RNGTT: variants seen among roughly 807,000 people sequenced by gnomAD.
RNGTT encodes mRNA-capping enzyme.
Under a neutral mutation model 79.3 loss-of-function variants are expected in RNGTT, and 33 were observed. The ratio of observed to expected loss-of-function variants is 0.42; its 90% CI spans 0.32 to 0.56. The LOEUF (loss-of-function observed/expected upper bound fraction) is 0.56. RNGTT is among the 20% of genes least tolerant of loss of function. The pLI is 0.17. For synonymous variants in RNGTT, 222 were observed against 235.9 expected, an observed-to-expected ratio of 0.94 and a Z score of 0.54; for missense variants, 497 against 739.1, an observed-to-expected ratio of 0.67 and a Z score of 3.80.
At chr6:88,668,561 T>C (rs1308377047) in intron 14 of RNGTT, among the ~76,000 whole-genome samples, 3 of 152,236 alleles carry the variant, frequency 2.0e-5, no homozygotes, top group Non-Finnish European at 2.9e-5. Flanking sequence ...TTCTGTTTTA[T>C]AGTTATTATG....
At chr6:88,906,732 A>G (rs946006966) in intron 4 of RNGTT, among the ~76,000 whole-genome samples, 2 of 152,206 alleles carry the variant, frequency 1.3e-5, no homozygotes, top group Non-Finnish European at 2.9e-5. Flanking sequence ...AGCATTTTAA[A>G]TAAGGAGGTA....
At chr6:88,834,191 T>C (rs988558096) in intron 11 of RNGTT, among the ~76,000 whole-genome samples, 1 of 151,970 alleles carries the variant, frequency 6.6e-6, no homozygotes, top group African/African-American at 2.4e-5. Context: ...ATTTCAAATA[T>C]ATATGGCATG....
intron 12 of RNGTT, among the ~76,000 whole-genome samples, chr6:88,788,806 TTCA>T (rs1438779448): frequency 6.6e-6 from 1 of 152,192 alleles, no homozygotes; most frequent in East Asian, 1.9e-4. Flanking sequence ...AATCCAGGCT[TTCA>T]TGATGATTAA....
chr6:88,912,276 G>A (rs1032120524), intron 4 of RNGTT, among the ~76,000 whole-genome samples: 1 of 151,970 alleles, frequency 6.6e-6, no homozygotes, highest in African/African-American at 2.4e-5. Context: ...GCCAAGCATG[G>A]TGGCATGCAC....
intron 14 of RNGTT, among the ~76,000 whole-genome samples, chr6:88,637,653 G>A (rs371415943): frequency 3.9e-5 from 6 of 151,936 alleles, no homozygotes; most frequent in Admixed American, 2.0e-4. Context: ...TCGGTTTCTC[G>A]TGTCATGTCA....
At chr6:88,743,374 G>C (rs1777559646) in intron 13 of RNGTT, among the ~76,000 whole-genome samples, 1 of 152,006 alleles carries the variant, frequency 6.6e-6, no homozygotes, top group Non-Finnish European at 1.5e-5. Context: ...GAACAGTTCG[G>C]TGGTATTAAA....
At chr6:88,820,750 C>T (rs1780471310) in intron 11 of RNGTT, among the ~76,000 whole-genome samples, 1 of 152,058 alleles carries the variant, frequency 6.6e-6, no homozygotes, top group African/African-American at 2.4e-5. Flanking sequence ...AACATAACAA[C>T]TACATATAAA....
At chr6:88,794,604 A>G (rs1269593096) in intron 12 of RNGTT, among the ~76,000 whole-genome samples, 2 of 152,198 alleles carry the variant, frequency 1.3e-5, no homozygotes, top group Non-Finnish European at 2.9e-5. Flanking sequence ...ATATAACCAC[A>G]GCCCATAGAT....
intron 11 of RNGTT, among the ~76,000 whole-genome samples, chr6:88,831,171 A>G (rs1408074265): frequency 6.6e-6 from 1 of 152,226 alleles, no homozygotes; most frequent in Non-Finnish European, 1.5e-5. Flanking sequence ...CCTGATGAAC[A>G]CAGATGCAAA....
intron 13 of RNGTT, among the ~76,000 whole-genome samples, chr6:88,711,714 T>C (rs1776325396): frequency 1.3e-5 from 2 of 152,206 alleles, no homozygotes; most frequent in Admixed American, 1.3e-4. Context: ...TACATGAACA[T>C]AGCAACCATA....
At chr6:88,775,635 T>G (rs530671617) in intron 12 of RNGTT, among the ~76,000 whole-genome samples, 1 of 152,362 alleles carries the variant, frequency 6.6e-6, no homozygotes, top group South Asian at 2.1e-4. Context: ...GTTTATCACC[T>G]ATAATCAAAA....
intron 8 of RNGTT, among the ~76,000 whole-genome samples, chr6:88,858,453 A>G (rs187173201): frequency 6.6e-6 from 1 of 152,334 alleles, no homozygotes; most frequent in Non-Finnish European, 1.5e-5. Flanking sequence ...ACAAAGGTAG[A>G]GCCTGTCAGA....
In RNGTT at chr6:88,667,172, C is replaced by T. The variant is rs546020242; in HGVS notation, c.1506+11181G>A. On this transcript the variant is annotated intron_variant, in intron 14 of 15. Coordinates refer to ENST00000369485, the MANE Select transcript of RNGTT (RefSeq NM_003800.5). ...CACGGCCCCTCTGCTCTCTCAGGCACCGCATCTAGTGCCTACTTATTCTAA... is the reference window on the plus strand; with the variant it reads ...CACGGCCCCTCTGCTCTCTCAGGCATCGCATCTAGTGCCTACTTATTCTAA... 3.3e-5 allele frequency among the ~76,000 whole-genome samples: 5 copies of T among 152,230 alleles called. No individual in the cohort carries two copies. In the East Asian group the frequency reaches 9.7e-4, roughly 29 times the overall value.
chr6:88,638,578 A>C (rs1194429511), intron 14 of RNGTT, among the ~76,000 whole-genome samples: 1 of 152,210 alleles, frequency 6.6e-6, no homozygotes, highest in East Asian at 1.9e-4. Context: ...TAGAAAGAAC[A>C]GTTTTATGCT....
intron 11 of RNGTT, among the ~76,000 whole-genome samples, chr6:88,827,715 T>C (rs886862461): frequency 1.3e-5 from 2 of 152,036 alleles, no homozygotes; most frequent in Non-Finnish European, 2.9e-5. Flanking sequence ...GGGAGGGGCG[T>C]CTGCCATTAC....
rs189361503 is a variant in RNGTT, at chr6:88,808,311, A to C, written c.1270-6679T>G. Among the ~76,000 whole-genome samples the C allele has an allele frequency of 3.4e-3, 523 of 152,334 alleles. 13 individuals carry two copies. The highest frequency in any genetic ancestry group is 3.3e-3 in the East Asian group (17 of 5,190). Reference sequence around the variant, plus strand: ...CCCAACTAGGAAGTGGCATACTATTATTTAAAAGTAAATTGTGAAAACAGA... The same window carrying C: ...CCCAACTAGGAAGTGGCATACTATTCTTTAAAAGTAAATTGTGAAAACAGA... On this transcript the variant is annotated intron_variant, in intron 11 of 15. Transcript: ENST00000369485.
At chr6:88,842,932 G>A (rs1781345380) in intron 11 of RNGTT, among the ~76,000 whole-genome samples, 1 of 151,870 alleles carries the variant, frequency 6.6e-6, no homozygotes, top group Admixed American at 6.6e-5. Flanking sequence ...AAAATTAGCT[G>A]GACATGGTAG....
chr6:88,794,603 C>A (rs1226090320), intron 12 of RNGTT, among the ~76,000 whole-genome samples: 6 of 152,114 alleles, frequency 3.9e-5, no homozygotes, highest in African/African-American at 1.4e-4. Flanking sequence ...AATATAACCA[C>A]AGCCCATAGA....
At chr6:88,939,026 CTT>C (rs141691662) in intron 2 of RNGTT, among the ~76,000 whole-genome samples, 3,341 of 152,266 alleles carry the variant, frequency 0.022, 122 homozygotes, top group African/African-American at 0.076. Context: ...ACTAGACACT[CTT>C]AATGTTTTTT....
Sources: gnomAD v4.1 joint callset for allele counts (sites outside exome capture counted in the v4.1 genomes callset) on GRCh38, gnomAD v4.1.1 for gene constraint, MANE v1.5 for transcripts, NCBI Gene and HGNC (gene_info 2026-07-23, HGNC 2026-07-21) for gene names.